Variants in CDK17 observed in about 807,000 individuals in gnomAD.
CDK17 encodes cyclin-dependent kinase 17.
In CDK17, 24 loss-of-function variants were observed where a neutral mutation model predicts 77.6. The observed-to-expected ratio is 0.31, with a 90% CI of 0.22 to 0.44. CDK17 has a LOEUF of 0.44. Among genes scored for constraint, CDK17 ranks in the 20% least tolerant of loss-of-function variants. The pLI is 1.00. For missense variants in CDK17, 429 were observed against 622.5 expected (o/e 0.69, Z 3.31); for synonymous variants, 203 against 210.4 (o/e 0.96, Z 0.30).
intron 1 of CDK17, among the ~76,000 whole-genome samples, chr12:96,335,521 A>G (rs1055627054): frequency 3.3e-5 from 5 of 152,190 alleles, no homozygotes; most frequent in African/African-American, 1.2e-4. Context: ...GTGTCTTCCT[A>G]ATTCTGAAAG....
chr12:96,368,859 G>T (rs1000511873), intron 1 of CDK17, among the ~76,000 whole-genome samples: 3 of 132,724 alleles, frequency 2.3e-5, no homozygotes, highest in African/African-American at 8.2e-5. Context: ...GCACAACAGA[G>T]TCCCAAACCC....
rs555090470 is a variant in CDK17 at position 96,397,513 on chromosome 12, T to TAA, written c.-30+2472_-30+2473insTT. On this transcript the variant is annotated intron_variant, in intron 1 of 16. Coordinates refer to ENST00000261211, the MANE Select transcript of CDK17 (RefSeq NM_002595.5). ...GGCCTGAATCTAAGGATGAGAATGA[T>TAA]ACATTTTATAGAAGCTTCTTTTAGT... Among the ~76,000 whole-genome samples, 291 of 150,708 alleles carry TAA rather than the reference T, an allele frequency of 1.9e-3. 1 individual carries two copies. The highest frequency in any genetic ancestry group is 6.6e-3 in the African/African-American group (265 of 40,030).
At chr12:96,360,797 A>G (rs1208377943) in intron 1 of CDK17, among the ~76,000 whole-genome samples, 8 of 152,228 alleles carry the variant, frequency 5.3e-5, no homozygotes, top group African/African-American at 1.9e-4. Context: ...GTAGCTATTA[A>G]TGTGATCTCC....
intron 5 of CDK17, among the ~76,000 whole-genome samples, chr12:96,309,883 C>T (rs1275889995): frequency 1.3e-5 from 2 of 152,092 alleles, no homozygotes; most frequent in Non-Finnish European, 2.9e-5. Flanking sequence ...CTATTATATG[C>T]TAGTGATATA....
chr12:96,347,334 C>T (rs1171170482), intron 1 of CDK17, among the ~76,000 whole-genome samples: 3 of 151,664 alleles, frequency 2.0e-5, no homozygotes, highest in African/African-American at 7.3e-5. Context: ...GAGGCAGAGG[C>T]GGGCAGATCA....
intron 3 of CDK17, among the ~76,000 whole-genome samples, chr12:96,323,522 C>A (rs998981118): frequency 9.9e-5 from 15 of 151,990 alleles, no homozygotes; most frequent in Non-Finnish European, 1.9e-4. Context: ...GAGGAATAAA[C>A]AGAAACTTGC....
chr12:96,294,868 T>A, intron 10 of CDK17, 131 bp downstream of exon 10: 1 of 721,450 alleles, frequency 1.4e-6, no homozygotes, highest in Non-Finnish European at 2.2e-6. Context: ...GTCAAATATC[T>A]TATTCTGTGG....
intron 2 of CDK17, among the ~76,000 whole-genome samples, chr12:96,333,899 G>A (rs1236464112): frequency 1.3e-5 from 2 of 152,114 alleles, no homozygotes; most frequent in Admixed American, 6.6e-5. Flanking sequence ...TCATCAACTA[G>A]GAAGTGTTTA....
At chr12:96,302,859 T>C (rs955427624) in intron 5 of CDK17, among the ~76,000 whole-genome samples, 3 of 152,066 alleles carry the variant, frequency 2.0e-5, no homozygotes, top group African/African-American at 7.2e-5. Flanking sequence ...AATCAGTCTA[T>C]AAAATAAACA....
chr12:96,286,229 CAA>C, intron 12 of CDK17, 81 bp from the exon 13 acceptor site: 1 of 314,820 alleles, frequency 3.2e-6, no homozygotes, highest in Middle Eastern at 1.1e-3. Context: ...ATATATATAA[CAA>C]AGTGTCTTAG....
chr12:96,327,531 A>C (rs1952907073), intron 2 of CDK17, among the ~76,000 whole-genome samples: 2 of 152,124 alleles, frequency 1.3e-5, no homozygotes, highest in South Asian at 4.1e-4. Flanking sequence ...TTATAGTAAA[A>C]ACATCTATTC....
chr12:96,380,398 A>G (rs1953861094), intron 1 of CDK17, among the ~76,000 whole-genome samples: 1 of 150,862 alleles, frequency 6.6e-6, no homozygotes, highest in Non-Finnish European at 1.5e-5. Flanking sequence ...TCTCTGCCTC[A>G]GCCTCCCGAG....
chr12:96,314,817 T>C (rs1003562640), intron 3 of CDK17, among the ~76,000 whole-genome samples: 2 of 152,240 alleles, frequency 1.3e-5, no homozygotes, highest in Admixed American at 6.5e-5. Context: ...TTTTAAAAGA[T>C]GCCTTTTCCT....
At chr12:96,303,459 G>C (rs1952535237) in intron 5 of CDK17, 1 of 152,062 alleles carries the variant, frequency 6.6e-6, no homozygotes, top group African/African-American at 2.4e-5. Context: ...TTTTCAATTA[G>C]CAATAACTGT....
chr12:96,346,223 C>T (rs1410943799), intron 1 of CDK17, among the ~76,000 whole-genome samples: 2 of 151,688 alleles, frequency 1.3e-5, no homozygotes, highest in Non-Finnish European at 2.9e-5. Flanking sequence ...AAGGCGGAGG[C>T]GGGCAGATCA....
Position 96,289,169 on chromosome 12 carries a change from C to T in CDK17, c.1116G>A (p.Met372Ile), listed in dbSNP as rs1369066004. The T allele has an allele frequency of 1.2e-6, 2 of 1,613,608 alleles. No homozygotes were observed. The highest frequency in any genetic ancestry group is 1.7e-6 in the Non-Finnish European group (2 of 1,179,652). Residue 372 changes from methionine to isoleucine, a missense_variant and splice_region_variant, in exon 11 of 17, where the codon ATG (methionine) becomes ATA (isoleucine). Coordinates refer to ENST00000261211, the MANE Select transcript of CDK17 (RefSeq NM_002595.5). ...CAGTGACATCTGTATATATTTACCA[C>T]ATGTCAATCTGTGTTGAGTACTCCG... Reference protein sequence around the residue: ...GSSEYSTQIDMWGVGCIFFEM... With the variant: ...GSSEYSTQIDIWGVGCIFFEM...
intron 1 of CDK17, among the ~76,000 whole-genome samples, chr12:96,393,894 A>G (rs950767799): frequency 3.3e-5 from 5 of 152,224 alleles, no homozygotes; most frequent in Admixed American, 6.5e-5. Flanking sequence ...TAACTAATTT[A>G]AAGAAGAGCA....
In CDK17 at chr12:96,400,287, G is replaced by A. The variant is rs1954241457; in HGVS notation, c.-331C>T. 4 of 391,218 alleles carry A rather than the reference G, an allele frequency of 1.0e-5. No individual in the cohort carries two copies. The highest frequency in any genetic ancestry group is 1.8e-5 in the Non-Finnish European group (4 of 221,242). The allele number at this position is 391,218 out of a possible 1,614,324, so 24.2% of individuals were successfully genotyped here. On this transcript the variant is annotated 5_prime_UTR_variant, in exon 1 of 17. Coordinates refer to ENST00000261211, the MANE Select transcript of CDK17 (RefSeq NM_002595.5). ...CCCCTCGGAGCAGCCGGGCGCGAGC[G>A]CGGCGGGCGCCGACGGCGGGCTGAG... is the stretch of plus-strand genomic sequence containing the variant.
chr12:96,372,622 T>C (rs759969488), intron 1 of CDK17, among the ~76,000 whole-genome samples: 1 of 152,158 alleles, frequency 6.6e-6, no homozygotes, highest in Non-Finnish European at 1.5e-5. Context: ...AGAAAAGGTG[T>C]ACCTGAATAA....
Sources: gnomAD v4.1 joint callset for allele counts (sites outside exome capture counted in the v4.1 genomes callset) on GRCh38, gnomAD v4.1.1 for gene constraint, MANE v1.5 for transcripts, NCBI Gene and HGNC (gene_info 2026-07-23, HGNC 2026-07-21) for gene names.